TEP1: variants seen among roughly 807,000 people sequenced by gnomAD.
TEP1 encodes the protein telomerase associated protein 1.
In TEP1, 241 loss-of-function variants were observed where a neutral mutation model predicts 306.3. The observed-to-expected ratio is 0.79, with a 90% CI of 0.71 to 0.88. The LOEUF is 0.88. Among genes scored for constraint, TEP1 ranks in the 40% least tolerant of loss-of-function variants. TEP1 has a pLI of 0.00. For synonymous variants in TEP1, 1,289 were observed against 1,305.5 expected, an observed-to-expected ratio of 0.99 and a Z score of 0.27; for missense variants, 3,051 against 3,276.1, an observed-to-expected ratio of 0.93 and a Z score of 1.68.
chr14:20,387,766 C>T, intron 18 of TEP1, 139 bp downstream of exon 18: 1 of 1,057,636 alleles, frequency 9.5e-7, no homozygotes, highest in Non-Finnish European at 1.3e-6. Flanking sequence ...GGTAGAGAAA[C>T]CTCCGCCTGA....
intron 4 of TEP1, 113 bp downstream of exon 4, chr14:20,405,338 G>C: frequency 7.3e-7 from 1 of 1,375,218 alleles, no homozygotes; most frequent in Non-Finnish European, 1.0e-6. Flanking sequence ...TCCTTCCTAA[G>C]AGAAGCTCCT....
chr14:20,387,284 C>T (rs1317630456), intron 18 of TEP1, among the ~76,000 whole-genome samples: 8 of 147,414 alleles, frequency 5.4e-5, no homozygotes, highest in African/African-American at 1.5e-4. Context: ...CGATGGCTCA[C>T]GCCTGTAATC....
intron 18 of TEP1, among the ~76,000 whole-genome samples, chr14:20,386,877 A>C (rs910992675): frequency 1.3e-5 from 2 of 151,856 alleles, no homozygotes; most frequent in Non-Finnish European, 2.9e-5. Context: ...CTGCTTGTTC[A>C]TGACAGCACT....
chr14:20,391,811 C>A (rs776372732), intron 12 of TEP1, 44 bp from the exon 13 acceptor site: 5 of 1,601,658 alleles, frequency 3.1e-6, no homozygotes, highest in Non-Finnish European at 4.3e-6. Context: ...AGGGACTTAT[C>A]TGCCCCTTAG....
chr14:20,370,553 TGTA>T (rs1431986194), intron 51 of TEP1, among the ~76,000 whole-genome samples: 1 of 152,254 alleles, frequency 6.6e-6, no homozygotes, highest in Admixed American at 6.5e-5. Context: ...TTTTTTGCCA[TGTA>T]GTATTCCATT....
At chr14:20,377,905 G>A in intron 39 of TEP1, 119 bp downstream of exon 39, 1 of 1,469,952 alleles carries the variant, frequency 6.8e-7, no homozygotes, top group Non-Finnish European at 9.3e-7. Flanking sequence ...TCTCCCCGTG[G>A]TTCCTGCAAT....
chr14:20,374,467 G>A lies in TEP1; in HGVS notation c.6433C>T (p.Leu2145=). The A allele has an allele frequency of 1.2e-6, 2 of 1,613,518 alleles. No homozygotes were observed. The highest frequency in any genetic ancestry group is 1.7e-6 in the Non-Finnish European group (2 of 1,179,950). ...GCGCTCACAGCACTCTGATGACCCA[G>A]GAACTGACCAAGCCGCTGTCCTGAC... The part of the protein sequence containing the change: ...PESGQRLGQF[L]GHQSAVSAVA... Residue 2145 remains leucine, a synonymous_variant, in exon 44 of 55, where the codon CTG becomes TTG. Coordinates refer to ENST00000262715, the MANE Select transcript of TEP1 (RefSeq NM_007110.5).
At chr14:20,387,771 G>A (rs184674859) in intron 18 of TEP1, 134 bp downstream of exon 18, 73 of 1,105,038 alleles carry the variant, frequency 6.6e-5, no homozygotes, top group East Asian at 1.3e-4. Context: ...AGAAACCTCC[G>A]CCTGAGAAAG....
chr14:20,410,881 GCA>G (rs1300709092), intron 1 of TEP1, among the ~76,000 whole-genome samples: 5 of 140,166 alleles, frequency 3.6e-5, no homozygotes, highest in African/African-American at 1.3e-4. Flanking sequence ...GAGTGCAGTC[GCA>G]CAGTCTCAGC....
Position 20,368,927 on chromosome 14 carries a change from A to G in TEP1, c.7657-25T>C, listed in dbSNP as rs8004136. On this transcript the variant is annotated intron_variant, in intron 53 of 54. Transcript: ENST00000262715. ...TCTCAAAGAGGAAAGGGGAGAGCAGAATGGTGAGTTCTCAGGGGCCCCTCC... is the reference window on the plus strand; with the variant it reads ...TCTCAAAGAGGAAAGGGGAGAGCAGGATGGTGAGTTCTCAGGGGCCCCTCC... 2.1e-3 allele frequency: 3,302 copies of G among 1,584,642 alleles called. 66 individuals are homozygous for G. In the African/African-American group the frequency reaches 0.039, roughly 19 times the overall value.
Position 20,374,462 on chromosome 14 carries a change from A to T in TEP1, c.6438T>A (p.Gly2146=). 1.2e-6 allele frequency: 2 copies of T among 1,613,208 alleles called. No homozygotes were observed. Among genetic ancestry groups the T allele is most frequent in the South Asian group, 2.2e-5 (2 of 91,012 alleles). Residue 2146 remains glycine, a synonymous_variant, in exon 44 of 55, where the codon GGT becomes GGA. Transcript: ENST00000262715. The stretch of plus-strand genomic sequence containing the variant: ...CCACAGCGCTCACAGCACTCTGATG[A>T]CCCAGGAACTGACCAAGCCGCTGTC... ...ESGQRLGQFL[G]HQSAVSAVAA... is the part of the protein sequence containing the mutation.
At chr14:20,390,561 A>T (rs761839755) in intron 15 of TEP1, 120 bp downstream of exon 15, 1 of 913,318 alleles carries the variant, frequency 1.1e-6, no homozygotes, top group Non-Finnish European at 1.7e-6. Flanking sequence ...TAGCCAGTAG[A>T]GCTGATCTGA....
rs182512605 is a variant in TEP1 at position 20,382,830 on chromosome 14, G to C, written c.4048-115C>G. Reference sequence around the variant, plus strand: ...CCTCCTCTGAGAGTCCCCAGCAGACGCCAGGTCCATGGCATCATCCCAGGA... The same window carrying C: ...CCTCCTCTGAGAGTCCCCAGCAGACCCCAGGTCCATGGCATCATCCCAGGA... On this transcript the variant is annotated intron_variant, in intron 27 of 54. Transcript: ENST00000262715. The C allele has an allele frequency of 3.2e-5, 29 of 915,928 alleles. No homozygotes were observed. In the South Asian group the frequency reaches 4.1e-4, roughly 13 times the overall value. The allele number at this position is 915,928 out of a possible 1,614,324, so 56.7% of individuals were successfully genotyped here. A position where few individuals can be genotyped will look rare whatever the true frequency, so the allele number is the denominator to read the frequency against.
At position 20,373,097 on chromosome 14, in the gene TEP1, C is replaced by T. The variant is rs755807550; in HGVS notation, c.6865G>A (p.Ala2289Thr). ...SSAAVTAVAW[A>T]PDGSMAVSGN... ...GATACTGCCATGGAACCATCTGGTG[C>T]CCAAGCCACAGCAGTGACGGCTGCA... Residue 2289 changes from alanine (A) to threonine (T), a missense_variant, in exon 48 of 55, where the codon GCA becomes ACA. Physicochemically the swap from Ala to Thr is moderately conservative, Grantham distance 58 (BLOSUM62 0). Around this residue, in one of 3 missense-constraint regions of TEP1, gnomAD observed 1,540 missense variants for 1,705.9 expected, o/e 0.90. Coordinates refer to ENST00000262715, the MANE Select transcript of TEP1 (RefSeq NM_007110.5). 6.2e-7 allele frequency: 1 copy of T among 1,614,194 alleles called. No individual in the cohort carries two copies. The highest frequency in any genetic ancestry group is 8.5e-7 in the Non-Finnish European group (1 of 1,180,040).
rs747006676 is a variant in TEP1, at chr14:20,395,419, C to A, written c.1928+31G>T. 5 of 1,531,984 alleles carry A rather than the reference C, an allele frequency of 3.3e-6. No individual in the cohort carries two copies. In the South Asian group the frequency reaches 6.2e-5, roughly 19 times the overall value. The allele number at this position is 1,531,984 out of a possible 1,614,324, so 94.9% of individuals were successfully genotyped here. ...CTGTGCCAGGGTAGCCCCGATTGCCCACCCTTGGCTCCCAGACAGTGCATA... is the reference window on the plus strand; with the variant it reads ...CTGTGCCAGGGTAGCCCCGATTGCCAACCCTTGGCTCCCAGACAGTGCATA... On this transcript the variant is annotated intron_variant, in intron 12 of 54. Transcript: ENST00000262715.
rs767838680 is a variant in TEP1, at chr14:20,390,668, G to A, written c.2334+13C>T. 14 of 1,613,184 alleles carry A rather than the reference G, an allele frequency of 8.7e-6. No homozygotes were observed. The South Asian group carries it at 1.1e-4, about 13-fold the overall frequency. On this transcript the variant is annotated intron_variant, in intron 15 of 54. Transcript: ENST00000262715. The stretch of plus-strand genomic sequence containing the variant: ...TGGGGGAGGGAGAGGGTTTCTCAGG[G>A]ATTAATACTCACAGGAACCCTTTGG...
chr14:20,403,607 G>A, intron 6 of TEP1, 116 bp downstream of exon 6: 1 of 1,586,920 alleles, frequency 6.3e-7, no homozygotes, highest in Middle Eastern at 2.0e-4. Flanking sequence ...CAGCTCCCCT[G>A]CATTTCTCTG....
At chr14:20,407,612 A>G (rs1163357705) in intron 2 of TEP1, among the ~76,000 whole-genome samples, 2 of 152,236 alleles carry the variant, frequency 1.3e-5, no homozygotes, top group Non-Finnish European at 2.9e-5. Context: ...AAGTGCTGGG[A>G]TTACAGGCAT....
chr14:20,375,641 C>T, intron 43 of TEP1, 114 bp downstream of exon 43: 1 of 652,852 alleles, frequency 1.5e-6, no homozygotes, highest in South Asian at 1.8e-5. Context: ...TCAAGTTTGA[C>T]AAATATTAGC....
Sources: gnomAD v4.1 joint callset for allele counts (sites outside exome capture counted in the v4.1 genomes callset) on GRCh38, gnomAD v4.1.1 for gene constraint, gnomAD v4.1.1 regional missense constraint, MANE v1.5 for transcripts, NCBI Gene and HGNC (gene_info 2026-07-23, HGNC 2026-07-21) for gene names.